The following ST6GALNAC6 variants were observed in gnomAD, a reference collection of about 807,000 sequenced individuals.
ST6GALNAC6 encodes the protein ST6 N-acetylgalactosaminide alpha-2,6-sialyltransferase 6, also known as alpha-N-acetylgalactosaminide alpha-2,6-sialyltransferase 6.
In ST6GALNAC6, 19 loss-of-function variants were observed where a neutral mutation model predicts 34.3. The observed-to-expected ratio is 0.55, with a 90% CI of 0.39 to 0.81. ST6GALNAC6 has a LOEUF of 0.81. Ranked by LOEUF, ST6GALNAC6 falls within the 40% of genes least tolerant of loss-of-function variation. The probability of loss-of-function intolerance (pLI) is 0.00; values close to 1 mark genes in which losing one functional copy is unlikely to be tolerated. For synonymous variants in ST6GALNAC6, 185 were observed against 182.1 expected (o/e 1.02, Z -0.13); for missense variants, 377 against 467.7 (o/e 0.81, Z 1.79).
chr9:127,899,785 G>C, upstream of ST6GALNAC6: 1 of 407,846 alleles, frequency 2.5e-6, no homozygotes, highest in Non-Finnish European at 3.3e-6. Context: ...CCACTGGGCA[G>C]CCCGGGGTGA....
chr9:127,891,986 T>C (rs1830173927), intron 4 of ST6GALNAC6, among the ~76,000 whole-genome samples: 1 of 151,786 alleles, frequency 6.6e-6, no homozygotes, highest in South Asian at 2.1e-4. Context: ...ACCCCATCTC[T>C]ATGAAAAATA....
chr9:127,894,324 G>C (rs904840621), intron 4 of ST6GALNAC6, among the ~76,000 whole-genome samples, 188 bp downstream of exon 4: 4 of 152,130 alleles, frequency 2.6e-5, no homozygotes, highest in African/African-American at 9.7e-5. Context: ...TAAGGGTGGG[G>C]ACTTGGAGAG....
chr9:127,888,951 A>G lies in ST6GALNAC6; in HGVS notation c.705-1360T>C, dbSNP rs113294904. 6.3e-3 allele frequency among the ~76,000 whole-genome samples: 958 copies of G among 152,402 alleles called. 7 individuals carry two copies. The highest frequency in any genetic ancestry group is 0.017 in the Middle Eastern group (5 of 294). On this transcript the variant is annotated intron_variant, in intron 5 of 6. Coordinates refer to ENST00000373146, the MANE Select transcript of ST6GALNAC6 (RefSeq NM_013443.5). Reference sequence around the variant, plus strand: ...AAATCCTAGCCAGTGCAATAAAGCAAAAAGAAGAAATAGGCATACAGATTA... The same window carrying G: ...AAATCCTAGCCAGTGCAATAAAGCAGAAAGAAGAAATAGGCATACAGATTA...
upstream of ST6GALNAC6, chr9:127,904,212 G>T (rs1830852941): frequency 6.6e-6 from 1 of 152,252 alleles, no homozygotes; most frequent in South Asian, 2.1e-4. Flanking sequence ...GAACACGCAG[G>T]TGGCAGGGTT....
rs1830048706 is a variant in ST6GALNAC6 at position 127,890,138 on chromosome 9, CAT to C, written c.704+497_704+498del. ...GTGCGATTACTATGAAAATAAATGA[CAT>C]ATGTGGCTCACATAGATTTCTATTG... On this transcript the variant is annotated intron_variant, in intron 5 of 6. Transcript: ENST00000373146. This position sits in a 1 kb window ranked among gnomAD's most constrained non-coding sequence, Gnocchi z 4.3. 1.3e-5 allele frequency among the ~76,000 whole-genome samples: 2 copies of C among 152,192 alleles called. No individual in the cohort carries two copies. The highest frequency in any genetic ancestry group is 6.5e-5 in the Admixed American group (1 of 15,278).
At chr9:127,897,511 C>T (rs1005336244) in intron 2 of ST6GALNAC6, 5 of 885,046 alleles carry the variant, frequency 5.6e-6, no homozygotes, top group Non-Finnish European at 6.8e-6. Flanking sequence ...CCCGTGGGAG[C>T]GCCCCTCATC....
intron 1 of ST6GALNAC6, among the ~76,000 whole-genome samples, chr9:127,898,666 A>G (rs1260814831): frequency 6.6e-6 from 1 of 152,260 alleles, no homozygotes; most frequent in Non-Finnish European, 1.5e-5. Context: ...TTTACAGATA[A>G]GGAGACTGAG....
chr9:127,903,971 G>A (rs1018132231), upstream of ST6GALNAC6: 2 of 152,264 alleles, frequency 1.3e-5, no homozygotes, highest in Non-Finnish European at 2.9e-5. Flanking sequence ...CGCCTGCCAT[G>A]TCTCTGGGCC....
chr9:127,895,079 G>A (rs1470197986), intron 3 of ST6GALNAC6, among the ~76,000 whole-genome samples: 1 of 152,176 alleles, frequency 6.6e-6, no homozygotes, highest in African/African-American at 2.4e-5. Flanking sequence ...TGAGTGAGAG[G>A]GTCTAGGTCT....
chr9:127,897,806 C>T, intron 2 of ST6GALNAC6, 150 bp downstream of exon 2: 17 of 1,523,906 alleles, frequency 1.1e-5, no homozygotes, highest in Non-Finnish European at 1.5e-5. Context: ...ATGCCCCCTG[C>T]CCGCCGCCCA....
intron 1 of ST6GALNAC6, 65 bp downstream of exon 1, chr9:127,899,438 C>CCAA: frequency 3.8e-6 from 3 of 779,966 alleles, no homozygotes; most frequent in Non-Finnish European, 4.7e-6. Context: ...CTCCCGGCGC[C>CCAA]CTCCGCCCCA....
At chr9:127,905,938 T>G (rs1830906102), upstream of ST6GALNAC6, 1 of 985,514 alleles carries the variant, frequency 1.0e-6, no homozygotes, top group Middle Eastern at 5.2e-4. Flanking sequence ...CCCTTACCTC[T>G]GCCTGACACC....
intron 3 of ST6GALNAC6, 74 bp downstream of exon 3, chr9:127,896,168 A>T (rs1453940284): frequency 6.5e-7 from 1 of 1,529,756 alleles, no homozygotes; most frequent in African/African-American, 1.4e-5. Context: ...GGGGTCTGAG[A>T]CAGGTCCAAA....
chr9:127,895,904 C>T (rs1830422661), intron 3 of ST6GALNAC6, among the ~76,000 whole-genome samples: 1 of 152,188 alleles, frequency 6.6e-6, no homozygotes, highest in South Asian at 2.1e-4. Flanking sequence ...GATCAGTGCA[C>T]CCTTGCCCCA....
chr9:127,898,832 G>T (rs908769097), intron 1 of ST6GALNAC6, among the ~76,000 whole-genome samples: 78 of 152,228 alleles, frequency 5.1e-4, no homozygotes, highest in African/African-American at 1.9e-3. Flanking sequence ...CCCAGGACGT[G>T]GCTCGGCACA....
In ST6GALNAC6 at chr9:127,886,344, A is replaced by G. The variant is rs1829750434; in HGVS notation, c.*255T>C. On this transcript the variant is annotated 3_prime_UTR_variant, in exon 7 of 7. Transcript: ENST00000373146. ...AGATTGACTCAGAAATACCCCCTCT[A>G]CCCTGATTGACTGTGCGCAGACCCT... 9.2e-7 allele frequency: 1 copy of G among 1,082,266 alleles called. No homozygotes were observed. Among genetic ancestry groups the G allele is most frequent in the Non-Finnish European group, 1.3e-6 (1 of 783,674 alleles). 67.0% of individuals were successfully genotyped at this position (1,082,266 alleles called of 1,614,324 possible). A position where few individuals can be genotyped will look rare whatever the true frequency, so the allele number is the denominator to read the frequency against.
chr9:127,904,337 A>C (rs964940224), upstream of ST6GALNAC6: 2 of 152,250 alleles, frequency 1.3e-5, no homozygotes, highest in African/African-American at 4.8e-5. Context: ...GGCTGTGGCC[A>C]GTCCTCGTGG....
Position 127,886,551 on chromosome 9 carries a change from G to T in ST6GALNAC6, c.*48C>A. The stretch of plus-strand genomic sequence containing the variant: ...TGGTCCCTGGCCTAGCGGCTGGGCG[G>T]AGGCTGCTTCTCCTCTGACCCTCCT... On this transcript the variant is annotated 3_prime_UTR_variant, in exon 7 of 7. Transcript: ENST00000373146. 1 of 1,606,308 alleles carries T rather than the reference G, an allele frequency of 6.2e-7. No individual in the cohort carries two copies. Among genetic ancestry groups the T allele is most frequent in the Non-Finnish European group, 8.5e-7 (1 of 1,175,966 alleles).
In ST6GALNAC6 at chr9:127,899,550, A is replaced by T. The variant is rs1251305163; in HGVS notation, c.-77T>A. On this transcript the variant is annotated 5_prime_UTR_variant, in exon 1 of 7. An upstream start codon of the reference 5' UTR is lost. Coordinates refer to ENST00000373146, the MANE Select transcript of ST6GALNAC6 (RefSeq NM_013443.5). Reference sequence around the variant, plus strand: ...CCCCGCGGCCCCCGAGCCCCCTCACATGGCGCCGGGAGCCGAGCGCCGGGG... The same window carrying T: ...CCCCGCGGCCCCCGAGCCCCCTCACTTGGCGCCGGGAGCCGAGCGCCGGGG... 3 of 980,060 alleles carry T rather than the reference A, an allele frequency of 3.1e-6. No individual in the cohort carries two copies. Among genetic ancestry groups the T allele is most frequent in the Non-Finnish European group, 3.6e-6 (3 of 827,808 alleles). The allele number at this position is 980,060 out of a possible 1,614,324, so 60.7% of individuals were successfully genotyped here. A position where few individuals can be genotyped will look rare whatever the true frequency, so the allele number is the denominator to read the frequency against.
Sources: gnomAD v4.1 joint callset for allele counts (sites outside exome capture counted in the v4.1 genomes callset) on GRCh38, gnomAD v4.1.1 for gene constraint, Gnocchi (gnomAD v3.1) non-coding constraint, MANE v1.5 for transcripts, NCBI Gene and HGNC (gene_info 2026-07-23, HGNC 2026-07-21) for gene names.